The following EIF2AK4 variants were observed in gnomAD, a reference collection of about 807,000 sequenced individuals.
The protein encoded by EIF2AK4 is eukaryotic translation initiation factor 2 alpha kinase 4.
A neutral mutation model predicts 211.1 loss-of-function variants in EIF2AK4; 139 were observed. That is an observed-to-expected ratio of 0.66 (90% CI 0.57 to 0.76). The LOEUF (loss-of-function observed/expected upper bound fraction) is 0.76. Among genes scored for constraint, EIF2AK4 ranks in the 30% least tolerant of loss-of-function variants. The pLI is 0.00. For missense variants in EIF2AK4, 1,664 were observed against 2,043.8 expected (o/e 0.81, Z 3.58); for synonymous variants, 710 against 751.3 (o/e 0.94, Z 0.90).
rs573431354 is a variant in EIF2AK4 at position 39,976,896 on chromosome 15, T to C, written c.2249+52T>C. The C allele has an allele frequency of 4.8e-5, 68 of 1,404,192 alleles. No individual in the cohort carries two copies. The East Asian group carries it at 1.4e-3, about 29-fold the overall frequency. 87.0% of individuals were successfully genotyped at this position (1,404,192 alleles called of 1,614,324 possible). ...CTCTGATGCGCCCCCTAGTTTCCTT[T>C]CTTTATTTTTTTTTCCTTTTTCCTT... On this transcript the variant is annotated intron_variant, in intron 12 of 38. Coordinates refer to ENST00000263791, the MANE Select transcript of EIF2AK4 (RefSeq NM_001013703.4).
chr15:39,943,427 A>G lies in EIF2AK4; in HGVS notation c.302A>G (p.Glu101Gly), dbSNP rs1428800077. 6.3e-7 allele frequency: 1 copy of G among 1,579,236 alleles called. No homozygotes were observed. The highest frequency in any genetic ancestry group is 8.6e-7 in the Non-Finnish European group (1 of 1,168,184). Residue 101 changes from glutamate (E) to glycine (G), a missense_variant, in exon 3 of 39, where the codon GAA (glutamate) becomes GGA (glycine). Transcript: ENST00000263791. ...AAAAATGCCAAAGGTCTATCAAATG[A>G]AAGTGTCAATTTGTTAAAATCTCGC... ...ELKNAKGLSN[E>G]SVNLLKSRLE...
At chr15:39,949,077 A>T (rs746471851) in intron 3 of EIF2AK4, 39 bp from the exon 4 acceptor site, 5 of 1,599,908 alleles carry the variant, frequency 3.1e-6, no homozygotes, top group Non-Finnish European at 4.3e-6. Flanking sequence ...CCTTCCCATT[A>T]TTTGATCATT....
chr15:39,955,952 C>T (rs1056195599), intron 6 of EIF2AK4, among the ~76,000 whole-genome samples, 184 bp downstream of exon 6: 6 of 150,348 alleles, frequency 4.0e-5, no homozygotes, highest in East Asian at 1.9e-4. Context: ...AACTAAATTG[C>T]GTTTAACACT....
intron 3 of EIF2AK4, among the ~76,000 whole-genome samples, chr15:39,945,342 C>T (rs539175335): frequency 9.9e-5 from 15 of 152,094 alleles, no homozygotes; most frequent in East Asian, 9.6e-4. Context: ...CAGTTTGCCC[C>T]GACAGTAACA....
intron 23 of EIF2AK4, among the ~76,000 whole-genome samples, chr15:40,005,210 C>T (rs767902303): frequency 5.9e-5 from 9 of 152,094 alleles, no homozygotes; most frequent in Admixed American, 1.3e-4. Flanking sequence ...GGGGGAGTCC[C>T]GGAACCAATT....
intron 16 of EIF2AK4, among the ~76,000 whole-genome samples, chr15:39,990,949 C>T (rs945654906): frequency 2.0e-4 from 31 of 152,174 alleles, no homozygotes; most frequent in African/African-American, 7.5e-4. Context: ...GACCAGCATA[C>T]TGTCTGACTG....
chr15:39,976,015 A>T (rs1181876597), intron 11 of EIF2AK4, among the ~76,000 whole-genome samples: 1 of 151,640 alleles, frequency 6.6e-6, no homozygotes, highest in Non-Finnish European at 1.5e-5. Context: ...CTTTAAGTGT[A>T]AAAAAAAATC....
At chr15:40,007,997 G>T (rs2035183913) in intron 24 of EIF2AK4, 30 bp from the exon 25 acceptor site, 1 of 1,457,552 alleles carries the variant, frequency 6.9e-7, no homozygotes, top group Non-Finnish European at 9.1e-7. Flanking sequence ...AGTAAGCAAT[G>T]ACCTTAGAAA....
intron 1 of EIF2AK4, among the ~76,000 whole-genome samples, chr15:39,936,493 A>T (rs2034066788): frequency 6.6e-6 from 1 of 151,998 alleles, no homozygotes; most frequent in Admixed American, 6.5e-5. Context: ...GCTCACTGCA[A>T]CCTCCACCTC....
At chr15:40,018,942 C>T (rs1226927897) in intron 29 of EIF2AK4, 151 bp from the exon 30 acceptor site, 1 of 644,166 alleles carries the variant, frequency 1.6e-6, no homozygotes, top group Non-Finnish European at 2.7e-6. Flanking sequence ...TGTGTGCTTG[C>T]TTCTCTATTT....
intron 1 of EIF2AK4, among the ~76,000 whole-genome samples, chr15:39,939,033 C>T (rs374013195): frequency 3.3e-5 from 5 of 152,266 alleles, no homozygotes; most frequent in African/African-American, 9.6e-5. Flanking sequence ...TTCAAATCTC[C>T]CCTGCTCGCA....
chr15:40,019,334 T>A, intron 30 of EIF2AK4, 134 bp downstream of exon 30: 1 of 618,464 alleles, frequency 1.6e-6, no homozygotes, highest in Non-Finnish European at 2.7e-6. Flanking sequence ...AACTTACCTT[T>A]AATATGATAG....
chr15:39,973,234 C>T (rs1026968108), intron 10 of EIF2AK4, among the ~76,000 whole-genome samples: 1 of 152,148 alleles, frequency 6.6e-6, no homozygotes, highest in Non-Finnish European at 1.5e-5. Flanking sequence ...GCTGTAGTCT[C>T]TTGTAGTGTT....
intron 13 of EIF2AK4, among the ~76,000 whole-genome samples, chr15:39,979,936 G>A (rs1208946430): frequency 6.6e-6 from 1 of 152,202 alleles, no homozygotes; most frequent in Non-Finnish European, 1.5e-5. Context: ...AGAAAAGAGG[G>A]GAGGGGAAGG....
intron 1 of EIF2AK4, among the ~76,000 whole-genome samples, chr15:39,938,283 A>G (rs1276779532): frequency 6.6e-6 from 1 of 152,194 alleles, no homozygotes; most frequent in East Asian, 1.9e-4. Context: ...TGAGTGGATG[A>G]AAGACCTGTG....
Position 40,003,187 on chromosome 15 carries a change from G to A in EIF2AK4, c.3236-6G>A, listed in dbSNP as rs1016880901. On this transcript the variant is annotated splice_polypyrimidine_tract_variant and splice_region_variant and intron_variant, in intron 22 of 38. Coordinates refer to ENST00000263791, the MANE Select transcript of EIF2AK4 (RefSeq NM_001013703.4). ...ATGATGAGCTATTTTTTCTCATTTG[G>A]TGTAGGAGCTGTTCAGTTGTGTACT... The A allele has an allele frequency of 1.5e-5, 25 of 1,613,262 alleles. No homozygotes were observed. Among genetic ancestry groups the A allele is most frequent in the East Asian group, 2.2e-5 (1 of 44,892 alleles).
chr15:39,939,297 A>T (rs2034111194), intron 1 of EIF2AK4, among the ~76,000 whole-genome samples: 1 of 152,216 alleles, frequency 6.6e-6, no homozygotes, highest in Non-Finnish European at 1.5e-5. Context: ...TTCATTCCTT[A>T]GATAACTTAA....
chr15:39,993,030 GTCCATCCATCCATCCATCCA>G (rs1199022740), intron 18 of EIF2AK4, among the ~76,000 whole-genome samples, 182 bp downstream of exon 18: 5 of 146,570 alleles, frequency 3.4e-5, no homozygotes, highest in African/African-American at 7.7e-5. Flanking sequence ...GGAGCTTACA[GTCCATCCATCCATCCATCCA>G]TCCATCCATC....
intron 1 of EIF2AK4, among the ~76,000 whole-genome samples, chr15:39,934,738 G>T (rs1462004439): frequency 6.6e-6 from 1 of 152,106 alleles, no homozygotes; most frequent in Admixed American, 6.5e-5. Context: ...AACGCTTTTT[G>T]GGCTCTCGCA....
Sources: allele counts gnomAD v4.1 joint callset (sites outside exome capture counted in the v4.1 genomes callset), GRCh38; gene constraint gnomAD v4.1.1; transcripts MANE v1.5; gene names NCBI Gene and HGNC (gene_info 2026-07-23, HGNC 2026-07-21).